Variants in RANBP2 observed in about 807,000 individuals in gnomAD.
The protein encoded by RANBP2 is E3 SUMO-protein ligase RanBP2.
RANBP2 carries 57 observed loss-of-function variants against 303.6 expected under a neutral mutation model. The ratio of observed to expected loss-of-function variants is 0.19; its 90% confidence interval spans 0.15 to 0.23. RANBP2 has a LOEUF of 0.23. Among genes scored for constraint, RANBP2 ranks in the 10% least tolerant of loss-of-function variants. The probability of loss-of-function intolerance (pLI) is 1.00; values close to 1 mark genes in which losing one functional copy is unlikely to be tolerated. For missense variants in RANBP2, 3,138 were observed against 3,780.8 expected (o/e 0.83, Z 4.46); for synonymous variants, 1,167 against 1,301.5 (o/e 0.90, Z 2.23).
the RANBP2 span, among the ~76,000 whole-genome samples, chr2:109,033,084 G>T: frequency 6.6e-6 from 1 of 152,216 alleles, no homozygotes; most frequent in Non-Finnish European, 1.5e-5. Context: ...TATGATCCAT[G>T]CCTTGAGTGG....
the RANBP2 span, among the ~76,000 whole-genome samples, chr2:109,054,507 C>T: frequency 6.6e-6 from 1 of 152,058 alleles, no homozygotes; most frequent in Non-Finnish European, 1.5e-5. Context: ...GAGATTGAGA[C>T]CATCCTAGCC....
chr2:108,968,608 C>T, the RANBP2 span, among the ~76,000 whole-genome samples: 1 of 152,342 alleles, frequency 6.6e-6, no homozygotes, highest in East Asian at 1.9e-4. Flanking sequence ...TGATCACAGG[C>T]ATGGTGTTCT....
At chr2:109,080,588 T>C in the RANBP2 span, among the ~76,000 whole-genome samples, 4 of 152,174 alleles carry the variant, frequency 2.6e-5, no homozygotes, top group Non-Finnish European at 4.4e-5. Flanking sequence ...TGTGCATGTG[T>C]ATTTGCTATA....
At chr2:108,744,890 A>G (rs1316436910) in intron 7 of RANBP2, among the ~76,000 whole-genome samples, 2 of 152,254 alleles carry the variant, frequency 1.3e-5, no homozygotes, top group African/African-American at 4.8e-5. Flanking sequence ...TGCATCTCCA[A>G]GTAAACACAT....
At chr2:108,744,596 T>C (rs1004908377) in intron 7 of RANBP2, among the ~76,000 whole-genome samples, 5 of 152,208 alleles carry the variant, frequency 3.3e-5, no homozygotes, top group African/African-American at 9.6e-5. Context: ...TTTCAACATA[T>C]AGATGACAAA....
At chr2:109,374,957 G>A in the RANBP2 span, among the ~76,000 whole-genome samples, 1 of 152,214 alleles carries the variant, frequency 6.6e-6, no homozygotes, top group South Asian at 2.1e-4. Flanking sequence ...TCTCCACCAG[G>A]GCCTGCCAGT....
chr2:109,614,582 C>A, the RANBP2 span: 130 of 1,407,338 alleles, frequency 9.2e-5, no homozygotes, highest in Middle Eastern at 1.8e-3. Flanking sequence ...GGGCCCTGCA[C>A]GCCGAGCTGG....
chr2:109,041,631 C>T, the RANBP2 span, among the ~76,000 whole-genome samples: 6 of 149,792 alleles, frequency 4.0e-5, no homozygotes, highest in Admixed American at 6.7e-5. Flanking sequence ...AAGCAATTCT[C>T]CTGCCTCAGC....
chr2:109,409,034 A>G, the RANBP2 span, among the ~76,000 whole-genome samples: 2 of 152,242 alleles, frequency 1.3e-5, no homozygotes, highest in African/African-American at 2.4e-5. Context: ...AAGGGGTCCT[A>G]TAACTTCCTT....
the RANBP2 span, among the ~76,000 whole-genome samples, chr2:108,889,560 T>C: frequency 0.71 from 108,200 of 151,674 alleles, 41,641 homozygotes; most frequent in East Asian, 0.9. Flanking sequence ...CTTTTCTTTT[T>C]TTTTTTTCAC....
intron 27 of RANBP2, 30 bp downstream of exon 27, chr2:108,782,431 C>A (rs746175788): frequency 6.2e-7 from 1 of 1,613,790 alleles, no homozygotes; most frequent in Non-Finnish European, 8.5e-7. Context: ...TGCTACTTTT[C>A]ATTTTTTGGA....
At chr2:109,263,822 G>C in the RANBP2 span, among the ~76,000 whole-genome samples, 3 of 152,206 alleles carry the variant, frequency 2.0e-5, no homozygotes, top group Non-Finnish European at 4.4e-5. Context: ...CAAAAAATTA[G>C]CTGGGCATGG....
the RANBP2 span, among the ~76,000 whole-genome samples, chr2:109,739,730 G>A: frequency 6.6e-6 from 1 of 151,738 alleles, no homozygotes; most frequent in Non-Finnish European, 1.5e-5. Flanking sequence ...TGTCTTGATT[G>A]CTCTAGCTAA....
At chr2:108,982,761 C>T in the RANBP2 span, among the ~76,000 whole-genome samples, 10 of 152,098 alleles carry the variant, frequency 6.6e-5, no homozygotes, top group East Asian at 1.2e-3. Context: ...CCGAGTGTCC[C>T]GAGTCACCTA....
At chr2:108,899,152 CAA>C in the RANBP2 span, among the ~76,000 whole-genome samples, 2 of 151,166 alleles carry the variant, frequency 1.3e-5, no homozygotes, top group Non-Finnish European at 2.9e-5. Flanking sequence ...AAACTAAAGA[CAA>C]AGTCTTAGAA....
chr2:109,392,258 C>T, the RANBP2 span, among the ~76,000 whole-genome samples: 2 of 152,192 alleles, frequency 1.3e-5, no homozygotes, highest in African/African-American at 4.8e-5. Context: ...AGGGCCTCCT[C>T]GTACTCTGCA....
the RANBP2 span, among the ~76,000 whole-genome samples, chr2:109,211,693 G>A: frequency 6.6e-6 from 1 of 151,564 alleles, no homozygotes; most frequent in East Asian, 1.9e-4. Context: ...CACCCAGGGT[G>A]GAGTGCAATG....
At chr2:108,899,714 G>A in the RANBP2 span, among the ~76,000 whole-genome samples, 5 of 152,278 alleles carry the variant, frequency 3.3e-5, no homozygotes, top group East Asian at 5.8e-4. Flanking sequence ...GGCTGGGCAC[G>A]GTGGCTCACA....
chr2:108,811,245 CTCTTTTT>C, the RANBP2 span, among the ~76,000 whole-genome samples: 1 of 109,628 alleles, frequency 9.1e-6, no homozygotes, highest in South Asian at 3.0e-4. Context: ...CTTTCTCTCT[CTCTTTTT>C]TTTTTTTTTT....
Sources: allele counts gnomAD v4.1 joint callset (sites outside exome capture counted in the v4.1 genomes callset), GRCh38; gene constraint gnomAD v4.1.1; transcripts MANE v1.5; gene names NCBI Gene and HGNC (gene_info 2026-07-23, HGNC 2026-07-21).